The following C1orf21 variants were observed in gnomAD, a reference collection of about 807,000 sequenced individuals.
The protein encoded by C1orf21 is chromosome 1 open reading frame 21.
C1orf21 carries 3 observed loss-of-function variants against 18.7 expected under a neutral mutation model. That is an observed-to-expected ratio of 0.16 (90% CI 0.07 to 0.42). The LOEUF is 0.42. Ranked by LOEUF, C1orf21 falls within the 10% of genes least tolerant of loss-of-function variation. The pLI, the probability that C1orf21 is intolerant of heterozygous loss-of-function variation, is 0.99. For synonymous variants in C1orf21, 41 were observed against 46.4 expected (o/e 0.88, Z 0.47); for missense variants, 104 against 143.6 (o/e 0.72, Z 1.41).
intron 1 of C1orf21, among the ~76,000 whole-genome samples, chr1:184,443,647 A>G (rs1437349410): frequency 1.3e-5 from 2 of 152,134 alleles, no homozygotes; most frequent in African/African-American, 4.8e-5. Flanking sequence ...CAGTCATTAC[A>G]CTGTTGGTGA....
At chr1:184,547,709 A>G (rs752723289) in intron 3 of C1orf21, among the ~76,000 whole-genome samples, 1 of 152,154 alleles carries the variant, frequency 6.6e-6, no homozygotes, top group Non-Finnish European at 1.5e-5. Context: ...TAGCTATCTT[A>G]AGTTAATCTA....
At chr1:184,419,820 T>A (rs1656516798) in intron 1 of C1orf21, among the ~76,000 whole-genome samples, 2 of 151,916 alleles carry the variant, frequency 1.3e-5, no homozygotes, top group African/African-American at 4.8e-5. Flanking sequence ...TCGAGGCCAG[T>A]GTGGCTGGAG....
chr1:184,440,515 G>A (rs1184251275), intron 1 of C1orf21, among the ~76,000 whole-genome samples: 1 of 150,420 alleles, frequency 6.6e-6, no homozygotes, highest in South Asian at 2.1e-4. Context: ...GCCTCCCAAA[G>A]TGCTGGGATT....
In C1orf21 at chr1:184,541,480, C is replaced by G. The variant is rs149226664; in HGVS notation, c.189+33798C>G. Among the ~76,000 whole-genome samples the G allele has an allele frequency of 2.6e-5, 4 of 152,278 alleles. No individual in the cohort carries two copies. In the East Asian group the frequency reaches 7.7e-4, roughly 29 times the overall value. On this transcript the variant is annotated intron_variant, in intron 3 of 5. Transcript: ENST00000235307. ...ATGACCTCACCTCTTCTTTAGGTCT[C>G]CAGCTAAGGCTGTTTATAAGTGGCC...
intron 3 of C1orf21, among the ~76,000 whole-genome samples, chr1:184,563,778 G>A (rs1255856320): frequency 2.6e-5 from 4 of 152,194 alleles, no homozygotes; most frequent in Non-Finnish European, 5.9e-5. Context: ...TTTGGAACAA[G>A]CCATCTAGGA....
At chr1:184,484,729 A>C (rs909446819) in intron 2 of C1orf21, among the ~76,000 whole-genome samples, 2 of 152,212 alleles carry the variant, frequency 1.3e-5, no homozygotes, top group African/African-American at 2.4e-5. Context: ...TATTGCAGTA[A>C]ATTCTTCTGG....
chr1:184,469,568 A>C (rs1657462597), intron 1 of C1orf21, among the ~76,000 whole-genome samples: 1 of 152,176 alleles, frequency 6.6e-6, no homozygotes, highest in African/African-American at 2.4e-5. Flanking sequence ...ATGAAAGTAA[A>C]CTGCAGGTTT....
At chr1:184,479,571 T>C (rs1657622035) in intron 2 of C1orf21, among the ~76,000 whole-genome samples, 1 of 151,846 alleles carries the variant, frequency 6.6e-6, no homozygotes, top group South Asian at 2.1e-4. Flanking sequence ...CCACCTTTCT[T>C]TCTCCATGTT....
At position 184,624,952 on chromosome 1, in the gene C1orf21, A is replaced by G. The variant is rs1659982252; in HGVS notation, c.*5396A>G. On this transcript the variant is annotated 3_prime_UTR_variant, in exon 6 of 6. Transcript: ENST00000235307. ...GGAACCAAAACAATGTCCTTGTGTAAAGGGGCTGTCATATCCAGTTTTCCT... is the reference window on the plus strand; with the variant it reads ...GGAACCAAAACAATGTCCTTGTGTAGAGGGGCTGTCATATCCAGTTTTCCT... 6.6e-6 allele frequency: 1 copy of G among 152,190 alleles called. No individual in the cohort carries two copies. Among genetic ancestry groups the G allele is most frequent in the East Asian group, 1.9e-4 (1 of 5,192 alleles). The allele number at this position is 152,190 out of a possible 1,614,324, so 9.4% of individuals were successfully genotyped here. A position where few individuals can be genotyped will look rare whatever the true frequency, so the allele number is the denominator to read the frequency against.
At chr1:184,439,693 G>A (rs1656915379) in intron 1 of C1orf21, among the ~76,000 whole-genome samples, 1 of 152,148 alleles carries the variant, frequency 6.6e-6, no homozygotes, top group Non-Finnish European at 1.5e-5. Flanking sequence ...GCTCACGCCT[G>A]TAATCCCAGC....
intron 1 of C1orf21, among the ~76,000 whole-genome samples, chr1:184,390,545 T>C (rs559519826): frequency 2.0e-5 from 3 of 152,316 alleles, no homozygotes; most frequent in Non-Finnish European, 4.4e-5. Context: ...CTCAGAGATA[T>C]TGGGTCGATC....
chr1:184,443,069 A>G (rs766017756), intron 1 of C1orf21, among the ~76,000 whole-genome samples: 25 of 152,338 alleles, frequency 1.6e-4, no homozygotes, highest in Non-Finnish European at 3.5e-4. Flanking sequence ...CGTGAAGAAA[A>G]GGTGACCAAA....
Position 184,621,749 on chromosome 1 carries a change from A to G in C1orf21, c.*2193A>G, listed in dbSNP as rs1571306938. On this transcript the variant is annotated 3_prime_UTR_variant, in exon 6 of 6. Transcript: ENST00000235307. ...CATGTTATACTTGCGCATAGATCCA[A>G]GCGTTTCTTGGGAACCTGACTTTTG... The G allele has an allele frequency of 6.6e-6, 1 of 152,222 alleles. No individual in the cohort carries two copies. Among genetic ancestry groups the G allele is most frequent in the African/African-American group, 2.4e-5 (1 of 41,460 alleles). 9.4% of individuals were successfully genotyped at this position (152,222 alleles called of 1,614,324 possible).
intron 1 of C1orf21, among the ~76,000 whole-genome samples, chr1:184,397,063 G>A (rs182712857): frequency 1.3e-5 from 2 of 152,252 alleles, no homozygotes; most frequent in Non-Finnish European, 2.9e-5. Flanking sequence ...GAGTTCTAGG[G>A]AACCCCCGTG....
At chr1:184,411,266 T>C (rs1015702605) in intron 1 of C1orf21, among the ~76,000 whole-genome samples, 1 of 152,158 alleles carries the variant, frequency 6.6e-6, no homozygotes, top group African/African-American at 2.4e-5. Context: ...TATTAATGAT[T>C]GCAAAATAAT....
chr1:184,401,726 A>G (rs1359994108), intron 1 of C1orf21, among the ~76,000 whole-genome samples: 1 of 151,912 alleles, frequency 6.6e-6, no homozygotes, highest in Non-Finnish European at 1.5e-5. Context: ...TTATAGAGCA[A>G]GACATATGTA....
At chr1:184,431,302 A>G (rs1195145136) in intron 1 of C1orf21, among the ~76,000 whole-genome samples, 2 of 152,236 alleles carry the variant, frequency 1.3e-5, no homozygotes, top group African/African-American at 4.8e-5. Context: ...CAGAGGCCTC[A>G]GAAATAACGC....
At chr1:184,593,957 A>G (rs1471801118) in intron 4 of C1orf21, among the ~76,000 whole-genome samples, 1 of 152,242 alleles carries the variant, frequency 6.6e-6, no homozygotes, top group Non-Finnish European at 1.5e-5. Flanking sequence ...ACACAAAGAG[A>G]TGCATTAAAA....
chr1:184,431,471 A>T (rs1656761374), intron 1 of C1orf21, among the ~76,000 whole-genome samples: 1 of 152,236 alleles, frequency 6.6e-6, no homozygotes, highest in South Asian at 2.1e-4. Context: ...AATTAACTCA[A>T]GATGGATTAA....
Sources: gnomAD v4.1 joint callset for allele counts (sites outside exome capture counted in the v4.1 genomes callset) on GRCh38, gnomAD v4.1.1 for gene constraint, MANE v1.5 for transcripts, NCBI Gene and HGNC (gene_info 2026-07-23, HGNC 2026-07-21) for gene names.